ZKSCAN1: variants seen among roughly 807,000 people sequenced by gnomAD.
ZKSCAN1 encodes the protein zinc finger protein with KRAB and SCAN domains 1.
Under a neutral mutation model 51.6 loss-of-function variants are expected in ZKSCAN1, and 14 were observed. That is an observed-to-expected ratio of 0.27 (90% CI 0.18 to 0.42). The LOEUF is 0.42. Among genes scored for constraint, ZKSCAN1 ranks in the 10% least tolerant of loss-of-function variants. ZKSCAN1 has a pLI of 1.00. For missense variants in ZKSCAN1, 531 were observed against 710.0 expected (o/e 0.75, Z 2.86); for synonymous variants, 263 against 261.5 (o/e 1.01, Z -0.06).
At position 100,039,986 on chromosome 7, in the gene ZKSCAN1, GTTTTT is replaced by G. The variant is rs897915768; in HGVS notation, c.*5796_*5800del. The G allele has an allele frequency of 2.7e-5, 21 of 765,112 alleles. No homozygotes were observed. The highest frequency in any genetic ancestry group is 1.3e-4 in the East Asian group (1 of 7,662). The allele number at this position is 765,112 out of a possible 1,614,324, so 47.4% of individuals were successfully genotyped here. A position where few individuals can be genotyped will look rare whatever the true frequency, so the allele number is the denominator to read the frequency against. ...AAAGTTTTTCTAACATAGATTTAGG[GTTTTT>G]TTTTTTAGAGTGGACACACTACATT... On this transcript the variant is annotated 3_prime_UTR_variant, in exon 6 of 6. Coordinates refer to ENST00000324306, the MANE Select transcript of ZKSCAN1 (RefSeq NM_003439.4).
At position 100,039,710 on chromosome 7, in the gene ZKSCAN1, A is replaced by T. The variant is rs750773473; in HGVS notation, c.*5513A>T. 2 of 985,388 alleles carry T rather than the reference A, an allele frequency of 2.0e-6. No homozygotes were observed. Among genetic ancestry groups the T allele is most frequent in the Non-Finnish European group, 2.4e-6 (2 of 829,946 alleles). 61.0% of individuals were successfully genotyped at this position (985,388 alleles called of 1,614,324 possible). On this transcript the variant is annotated 3_prime_UTR_variant, in exon 6 of 6. Coordinates refer to ENST00000324306, the MANE Select transcript of ZKSCAN1 (RefSeq NM_003439.4). ...GAGTAACAGAACTGAAATACACTTA[A>T]ACAGTGACAGCAGTACTTCCCAGGG...
chr7:100,034,015 C>T lies in ZKSCAN1; in HGVS notation c.1510C>T (p.Leu504=). The T allele has an allele frequency of 4.3e-6, 7 of 1,614,186 alleles. No homozygotes were observed. Among genetic ancestry groups the T allele is most frequent in the Non-Finnish European group, 5.9e-6 (7 of 1,180,042 alleles). ...AAAAGCTTTCAACCGAAACTCATAC[C>T]TGATTTTGCATCGGAGAATTCACAC... ...CGKAFNRNSY[L]ILHRRIHTRE... Residue 504 remains leucine (L), a synonymous_variant, in exon 6 of 6, where the codon CTG becomes TTG. Transcript: ENST00000324306.
At chr7:100,024,453 G>T in intron 3 of ZKSCAN1, 146 bp downstream of exon 3, 1 of 1,024,390 alleles carries the variant, frequency 9.8e-7, no homozygotes, top group Non-Finnish European at 1.4e-6. Flanking sequence ...AATTAGCCAG[G>T]TATAGTGGCG....
At chr7:100,021,644 C>T (rs1224424627) in intron 1 of ZKSCAN1, among the ~76,000 whole-genome samples, 1 of 151,984 alleles carries the variant, frequency 6.6e-6, no homozygotes, top group Non-Finnish European at 1.5e-5. Context: ...TAAAACCTTA[C>T]TCTAGATAGA....
At chr7:100,025,187 G>T (rs1182405896) in intron 3 of ZKSCAN1, among the ~76,000 whole-genome samples, 1 of 151,676 alleles carries the variant, frequency 6.6e-6, no homozygotes, top group Non-Finnish European at 1.5e-5. Context: ...TTTCAGCCTA[G>T]GTTTTAAAAC....
chr7:100,037,855 A>C lies in ZKSCAN1; in HGVS notation c.*3658A>C, dbSNP rs571927768. 50 of 679,978 alleles carry C rather than the reference A, an allele frequency of 7.4e-5. No individual in the cohort carries two copies. The East Asian group carries it at 2.8e-3, about 37-fold the overall frequency. 42.1% of individuals were successfully genotyped at this position (679,978 alleles called of 1,614,324 possible). A position where few individuals can be genotyped will look rare whatever the true frequency, so the allele number is the denominator to read the frequency against. ...ACATGGTGAAACCTTGTCTCTACTA[A>C]AAATACAAAAAAAAATTAGCTGGGC... On this transcript the variant is annotated 3_prime_UTR_variant, in exon 6 of 6. Transcript: ENST00000324306.
At chr7:100,022,850 G>A (rs12531809) in intron 1 of ZKSCAN1, among the ~76,000 whole-genome samples, 2 of 151,934 alleles carry the variant, frequency 1.3e-5, no homozygotes, top group African/African-American at 4.8e-5. Context: ...GCTGGGCACT[G>A]TTAATGCTCC....
chr7:100,024,394 G>T, intron 3 of ZKSCAN1, 87 bp downstream of exon 3: 1 of 1,507,894 alleles, frequency 6.6e-7, no homozygotes, highest in East Asian at 2.3e-5. Context: ...GAAGAAGCAT[G>T]TTAGTCCTGG....
chr7:100,033,628 A>G lies in ZKSCAN1; in HGVS notation c.1123A>G (p.Lys375Glu). The G allele has an allele frequency of 1.2e-6, 2 of 1,614,240 alleles. No homozygotes were observed. The highest frequency in any genetic ancestry group is 1.1e-5 in the South Asian group (1 of 91,082). The part of the protein sequence containing the change: ...TTPEEVPTGT[K>E]SHRCDECGKC... ...CCCTGAAGAAGTTCCCACGGGAACA[A>G]AGTCTCACAGATGTGATGAATGTGG... Residue 375 changes from lysine to glutamate, a missense_variant, in exon 6 of 6, where the codon AAG becomes GAG. Coordinates refer to ENST00000324306, the MANE Select transcript of ZKSCAN1 (RefSeq NM_003439.4). This position sits in a 1 kb window ranked among gnomAD's most constrained non-coding sequence, Gnocchi z 4.1.
Position 100,037,517 on chromosome 7 carries a change from C to T in ZKSCAN1, c.*3320C>T, listed in dbSNP as rs1791414842. ...CACATAGACATCAGAGAATTTATTC[C>T]AGAAAGGAGCCTCCTGAATGTGATG... On this transcript the variant is annotated 3_prime_UTR_variant, in exon 6 of 6. Transcript: ENST00000324306. The T allele has an allele frequency of 1.0e-6, 1 of 985,290 alleles. No individual in the cohort carries two copies. The highest frequency in any genetic ancestry group is 1.2e-6 in the Non-Finnish European group (1 of 829,924). The allele number at this position is 985,290 out of a possible 1,614,324, so 61.0% of individuals were successfully genotyped here.
chr7:100,037,387 C>T lies in ZKSCAN1; in HGVS notation c.*3190C>T. ...AGGCAAGGCTAAAACCTGAGATTAT[C>T]GATCTATGAGACATCTTGATATGTA... On this transcript the variant is annotated 3_prime_UTR_variant, in exon 6 of 6. Coordinates refer to ENST00000324306, the MANE Select transcript of ZKSCAN1 (RefSeq NM_003439.4). The T allele has an allele frequency of 1.0e-6, 1 of 985,360 alleles. No individual in the cohort carries two copies. The allele number at this position is 985,360 out of a possible 1,614,324, so 61.0% of individuals were successfully genotyped here.
Position 100,034,427 on chromosome 7 carries a change from G to T in ZKSCAN1, c.*230G>T, listed in dbSNP as rs918032347. 219 of 1,260,112 alleles carry T rather than the reference G, an allele frequency of 1.7e-4. No individual in the cohort carries two copies. Among genetic ancestry groups the T allele is most frequent in the Non-Finnish European group, 5.7e-5 (57 of 1,004,144 alleles). The allele number at this position is 1,260,112 out of a possible 1,614,324, so 78.1% of individuals were successfully genotyped here. A position where few individuals can be genotyped will look rare whatever the true frequency, so the allele number is the denominator to read the frequency against. ...AAGGCTAATCTTACGGATAATCCAC[G>T]TGAGATTTCCACACAAGAGAAAAGC... On this transcript the variant is annotated 3_prime_UTR_variant, in exon 6 of 6. Coordinates refer to ENST00000324306, the MANE Select transcript of ZKSCAN1 (RefSeq NM_003439.4).
chr7:100,037,129 T>C lies in ZKSCAN1; in HGVS notation c.*2932T>C, dbSNP rs1391250975. Reference sequence around the variant, plus strand: ...ATCAGATGCTCAGTGCAAAGTGTAATTGGGTCATGGTCAAAAACGCTTGCA... The same window carrying C: ...ATCAGATGCTCAGTGCAAAGTGTAACTGGGTCATGGTCAAAAACGCTTGCA... On this transcript the variant is annotated 3_prime_UTR_variant, in exon 6 of 6. Transcript: ENST00000324306. 2 of 985,294 alleles carry C rather than the reference T, an allele frequency of 2.0e-6. No homozygotes were observed. Among genetic ancestry groups the C allele is most frequent in the Admixed American group, 1.2e-4 (2 of 16,252 alleles). 61.0% of individuals were successfully genotyped at this position (985,294 alleles called of 1,614,324 possible). A position where few individuals can be genotyped will look rare whatever the true frequency, so the allele number is the denominator to read the frequency against.
intron 3 of ZKSCAN1, among the ~76,000 whole-genome samples, chr7:100,026,267 T>A (rs1162862598): frequency 6.9e-6 from 1 of 144,442 alleles, no homozygotes; most frequent in African/African-American, 2.6e-5. Flanking sequence ...TACACCTGTA[T>A]GGAACACTTA....
intron 5 of ZKSCAN1, among the ~76,000 whole-genome samples, chr7:100,031,859 T>A (rs2115924164): frequency 1.3e-5 from 2 of 152,300 alleles, no homozygotes; most frequent in South Asian, 4.1e-4. Flanking sequence ...AGAGGATCGC[T>A]TGAAGCCAGG....
intron 3 of ZKSCAN1, among the ~76,000 whole-genome samples, chr7:100,026,825 AATAAC>A (rs546467390): frequency 2.6e-5 from 4 of 152,130 alleles, no homozygotes; most frequent in Non-Finnish European, 5.9e-5. Context: ...TGACTGTTGT[AATAAC>A]ATAACTCAAA....
At position 100,023,474 on chromosome 7, in the gene ZKSCAN1, C is replaced by T. The variant is rs373770756; in HGVS notation, c.-33C>T. 3 of 1,584,032 alleles carry T rather than the reference C, an allele frequency of 1.9e-6. No individual in the cohort carries two copies. Among genetic ancestry groups the T allele is most frequent in the Admixed American group, 1.8e-5 (1 of 56,218 alleles). ...CCAGGACATAAAGGTGAGCACAGAC[C>T]CTGTTTGGATCAAGTCAGTTCCTGG... is the stretch of plus-strand genomic sequence containing the variant. On this transcript the variant is annotated 5_prime_UTR_variant, in exon 2 of 6. Transcript: ENST00000324306.
chr7:100,044,878 C>A, downstream of ZKSCAN1: 1 of 985,298 alleles, frequency 1.0e-6, no homozygotes, highest in Non-Finnish European at 1.2e-6. Flanking sequence ...CAGAGGCTTG[C>A]CCAGCCTGCT....
chr7:100,036,176 A>G lies in ZKSCAN1; in HGVS notation c.*1979A>G. On this transcript the variant is annotated 3_prime_UTR_variant, in exon 6 of 6. Transcript: ENST00000324306. Reference sequence around the variant, plus strand: ...CTCCTTGGCTTTATGACTTAAACCAACTACAACTTCCCTATAGCTTCTAAG... The same window carrying G: ...CTCCTTGGCTTTATGACTTAAACCAGCTACAACTTCCCTATAGCTTCTAAG... 3 of 985,394 alleles carry G rather than the reference A, an allele frequency of 3.0e-6. No homozygotes were observed. Among genetic ancestry groups the G allele is most frequent in the South Asian group, 4.7e-5 (1 of 21,292 alleles). 61.0% of individuals were successfully genotyped at this position (985,394 alleles called of 1,614,324 possible).
Sources: gnomAD v4.1 joint callset for allele counts (sites outside exome capture counted in the v4.1 genomes callset) on GRCh38, gnomAD v4.1.1 for gene constraint, Gnocchi (gnomAD v3.1) non-coding constraint, MANE v1.5 for transcripts, NCBI Gene and HGNC (gene_info 2026-07-23, HGNC 2026-07-21) for gene names.